Variants in ZNF804B observed in about 807,000 individuals in gnomAD.
ZNF804B encodes zinc finger protein 804B.
A neutral mutation model predicts 101.4 loss-of-function variants in ZNF804B; 80 were observed. The observed-to-expected ratio is 0.79, with a 90% CI of 0.66 to 0.95. ZNF804B has a LOEUF of 0.95. Ranked by LOEUF, ZNF804B falls within the 40% of genes least tolerant of loss-of-function variation. The pLI, the probability that ZNF804B is intolerant of heterozygous loss-of-function variation, is 0.00. For missense variants in ZNF804B, 1,673 were observed against 1,561.9 expected, an observed-to-expected ratio of 1.07 and a Z score of -1.20; for synonymous variants, 622 against 558.8, an observed-to-expected ratio of 1.11 and a Z score of -1.59.
At chr7:89,251,055 C>T (rs1196313289) in intron 2 of ZNF804B, among the ~76,000 whole-genome samples, 1 of 152,158 alleles carries the variant, frequency 6.6e-6, no homozygotes, top group Admixed American at 6.5e-5. Context: ...CCACTCTCAC[C>T]ACTCTTATTC....
intron 1 of ZNF804B, among the ~76,000 whole-genome samples, chr7:89,196,455 T>C (rs1484448923): frequency 6.6e-6 from 1 of 152,170 alleles, no homozygotes; most frequent in Non-Finnish European, 1.5e-5. Context: ...ACCCCCTCCT[T>C]ACACCTTATA....
chr7:89,232,755 A>AT (rs1455186568), intron 2 of ZNF804B, among the ~76,000 whole-genome samples: 6 of 151,970 alleles, frequency 3.9e-5, no homozygotes, highest in Non-Finnish European at 5.9e-5. Context: ...TGTCTTCTCT[A>AT]TTTTTCTCAG....
chr7:88,894,196 A>T (rs1792252005), intron 1 of ZNF804B, among the ~76,000 whole-genome samples: 1 of 152,064 alleles, frequency 6.6e-6, no homozygotes, highest in Non-Finnish European at 1.5e-5. Context: ...TCAATGAGTT[A>T]AATTTTAAAA....
rs779558329 is a variant in ZNF804B, at chr7:89,335,277, G to C, written c.2295G>C (p.Leu765Phe). Reference protein sequence around the residue: ...RKCLKHNCFYLSDDITKSSQM... With the variant: ...RKCLKHNCFYFSDDITKSSQM... ...GTCTAAAGCACAACTGCTTCTACTT[G>C]TCTGATGATATAACAAAGAGCAGCC... Residue 765 changes from leucine to phenylalanine, a missense_variant, in exon 4 of 4, where the codon TTG becomes TTC. Transcript: ENST00000333190. The C allele has an allele frequency of 1.2e-6, 2 of 1,613,744 alleles. No individual in the cohort carries two copies. Among genetic ancestry groups the C allele is most frequent in the Non-Finnish European group, 8.5e-7 (1 of 1,179,944 alleles).
intron 2 of ZNF804B, among the ~76,000 whole-genome samples, chr7:89,291,326 C>CT (rs1177186239): frequency 6.6e-6 from 1 of 152,136 alleles, no homozygotes; most frequent in Non-Finnish European, 1.5e-5. Flanking sequence ...TGATATGTGA[C>CT]TTTTCAGACA....
At chr7:89,156,070 TTCTC>T (rs1242442036) in intron 1 of ZNF804B, among the ~76,000 whole-genome samples, 23 of 91,444 alleles carry the variant, frequency 2.5e-4, no homozygotes, top group Non-Finnish European at 4.1e-4. Flanking sequence ...CTTTCTTTCT[TTCTC>T]TCTTTCTCTC....
intron 1 of ZNF804B, among the ~76,000 whole-genome samples, chr7:88,809,871 A>C (rs913394122): frequency 2.6e-5 from 4 of 152,192 alleles, no homozygotes; most frequent in African/African-American, 7.2e-5. Flanking sequence ...CTTCAATATC[A>C]GTAACCATCC....
chr7:89,061,494 TA>T (rs1056763132), intron 1 of ZNF804B, among the ~76,000 whole-genome samples: 5 of 152,078 alleles, frequency 3.3e-5, no homozygotes, highest in African/African-American at 1.2e-4. Context: ...ACGCATTTTA[TA>T]ACTCTGAAAT....
chr7:88,969,946 G>A (rs184100808), intron 1 of ZNF804B, among the ~76,000 whole-genome samples: 3 of 151,544 alleles, frequency 2.0e-5, no homozygotes, highest in East Asian at 2.0e-4. Context: ...TGGCAAATAC[G>A]TCTGAATACA....
At chr7:88,771,634 T>A (rs979788322) in intron 1 of ZNF804B, among the ~76,000 whole-genome samples, 1 of 152,064 alleles carries the variant, frequency 6.6e-6, no homozygotes, top group Non-Finnish European at 1.5e-5. Flanking sequence ...TACTAACCAC[T>A]TGAAACAATT....
intron 1 of ZNF804B, among the ~76,000 whole-genome samples, chr7:89,075,040 C>A (rs974110387): frequency 1.3e-5 from 2 of 152,104 alleles, no homozygotes; most frequent in Non-Finnish European, 2.9e-5. Context: ...GCAAAGCATT[C>A]AATAGGTGAC....
At chr7:88,999,202 A>G (rs1349953506) in intron 1 of ZNF804B, among the ~76,000 whole-genome samples, 1 of 152,018 alleles carries the variant, frequency 6.6e-6, no homozygotes, top group Non-Finnish European at 1.5e-5. Context: ...CTCACACTAG[A>G]CTATTTCTTA....
At chr7:89,313,725 A>G (rs995047682) in intron 2 of ZNF804B, among the ~76,000 whole-genome samples, 5 of 152,200 alleles carry the variant, frequency 3.3e-5, no homozygotes, top group Non-Finnish European at 7.3e-5. Context: ...TTTTACAAAT[A>G]TGTTTCTATA....
chr7:88,779,636 G>C (rs560163878), intron 1 of ZNF804B, among the ~76,000 whole-genome samples: 6 of 139,086 alleles, frequency 4.3e-5, no homozygotes, highest in Non-Finnish European at 9.2e-5. Context: ...ATTAAAGATC[G>C]AACTTTAACT....
intron 1 of ZNF804B, among the ~76,000 whole-genome samples, chr7:89,086,464 G>A (rs1158067143): frequency 6.6e-6 from 1 of 151,852 alleles, no homozygotes; most frequent in Non-Finnish European, 1.5e-5. Flanking sequence ...AAGGTGTACT[G>A]TAATTACTGA....
chr7:88,813,330 G>A (rs979725728), intron 1 of ZNF804B, among the ~76,000 whole-genome samples: 3 of 151,484 alleles, frequency 2.0e-5, no homozygotes, highest in Non-Finnish European at 4.4e-5. Context: ...CGGAGGCTGA[G>A]GCAGGAGAAT....
intron 2 of ZNF804B, among the ~76,000 whole-genome samples, chr7:89,316,296 A>C (rs1213681249): frequency 6.6e-6 from 1 of 152,158 alleles, no homozygotes; most frequent in Non-Finnish European, 1.5e-5. Context: ...GTTTCCCTAA[A>C]TGTACTGCTA....
intron 3 of ZNF804B, among the ~76,000 whole-genome samples, chr7:89,330,404 G>A (rs1790961675): frequency 6.6e-6 from 1 of 151,602 alleles, no homozygotes; most frequent in East Asian, 1.9e-4. Context: ...GTAACTACGT[G>A]TATGATAGAT....
rs148047440 is a variant in ZNF804B, at chr7:89,138,434, C to T, written c.109-79721C>T. ...CTTACTTGCTTTTTATTTACAGGCT[C>T]ATAAGCAGAAGGGACTTGCCATGTC... On this transcript the variant is annotated intron_variant, in intron 1 of 3. Transcript: ENST00000333190. 1.8e-3 allele frequency among the ~76,000 whole-genome samples: 268 copies of T among 152,208 alleles called. 1 individual carries two copies. Among genetic ancestry groups the T allele is most frequent in the African/African-American group, 6.0e-3 (249 of 41,552 alleles).
Sources: allele counts gnomAD v4.1 joint callset (sites outside exome capture counted in the v4.1 genomes callset), GRCh38; gene constraint gnomAD v4.1.1; transcripts MANE v1.5; gene names NCBI Gene and HGNC (gene_info 2026-07-23, HGNC 2026-07-21).